Variants in TENM2 observed in about 807,000 individuals in gnomAD.
TENM2 encodes teneurin-2.
TENM2 carries 52 observed loss-of-function variants against 245.2 expected under a neutral mutation model. The observed-to-expected ratio is 0.21, with a 90% confidence interval of 0.17 to 0.27. TENM2 has a LOEUF of 0.27. TENM2 is among the 10% of genes least tolerant of loss of function. The pLI is 1.00. For missense variants in TENM2, 3,046 were observed against 3,666.8 expected, an observed-to-expected ratio of 0.83 and a Z score of 4.37; for synonymous variants, 1,363 against 1,438.9, an observed-to-expected ratio of 0.95 and a Z score of 1.19.
intron 2 of TENM2, among the ~76,000 whole-genome samples, chr5:167,871,811 G>T (rs1772850522): frequency 6.6e-6 from 1 of 152,106 alleles, no homozygotes; most frequent in Non-Finnish European, 1.5e-5. Context: ...CTGGTTACCT[G>T]CCCATGCCAC....
At position 167,453,719 on chromosome 5, in the gene TENM2, G is replaced by A. The variant is rs528602451; in HGVS notation, c.502+78246G>A. Among the ~76,000 whole-genome samples, 8 of 152,286 alleles carry A rather than the reference G, an allele frequency of 5.3e-5. No homozygotes were observed. The South Asian group carries it at 1.4e-3, about 28-fold the overall frequency. Reference sequence around the variant, plus strand: ...CAAGATCAAAAGAATGGATAATGTAGGGACTAGGCCCATGAACTGTAAATT... The same window carrying A: ...CAAGATCAAAAGAATGGATAATGTAAGGACTAGGCCCATGAACTGTAAATT... On this transcript the variant is annotated intron_variant, in intron 2 of 28. Transcript: ENST00000518659.
chr5:167,468,406 A>C (rs1412249339), intron 2 of TENM2, among the ~76,000 whole-genome samples: 1 of 152,258 alleles, frequency 6.6e-6, no homozygotes, highest in African/African-American at 2.4e-5. Context: ...TTTAATAATT[A>C]GAAATGGGAA....
chr5:167,858,991 C>T (rs933045222), intron 2 of TENM2, among the ~76,000 whole-genome samples: 2 of 148,100 alleles, frequency 1.4e-5, no homozygotes, highest in African/African-American at 5.0e-5. Context: ...ATGTGAGGAG[C>T]CCCTCTGCCT....
At chr5:167,513,943 A>G (rs1299923463) in intron 2 of TENM2, among the ~76,000 whole-genome samples, 1 of 152,128 alleles carries the variant, frequency 6.6e-6, no homozygotes, top group Admixed American at 6.5e-5. Flanking sequence ...AAGAATGATA[A>G]GGCATCTATG....
At chr5:167,248,769 C>CATATATATGTGTGTAT in the TENM2 span, among the ~76,000 whole-genome samples, 3 of 136,628 alleles carry the variant, frequency 2.2e-5, no homozygotes, top group South Asian at 5.2e-4. Context: ...ATTCAAAAGC[C>CATATATATGTGTGTAT]ATATATATGT....
chr5:168,100,694 T>A (rs1437312630), intron 9 of TENM2, among the ~76,000 whole-genome samples: 1 of 151,742 alleles, frequency 6.6e-6, no homozygotes, highest in African/African-American at 2.4e-5. Flanking sequence ...TGAGAACACA[T>A]GGACACAGGG....
At chr5:167,962,969 A>G (rs1333724915) in intron 4 of TENM2, among the ~76,000 whole-genome samples, 2 of 152,216 alleles carry the variant, frequency 1.3e-5, no homozygotes, top group Admixed American at 6.5e-5. Context: ...GCCAAGAGCT[A>G]TGTTAGGTAC....
At chr5:167,021,807 G>C in the TENM2 span, among the ~76,000 whole-genome samples, 33 of 152,282 alleles carry the variant, frequency 2.2e-4, no homozygotes, top group African/African-American at 7.5e-4. Context: ...TCCTGGTTTT[G>C]TCATGTACTA....
chr5:167,829,895 C>T (rs1549151), intron 2 of TENM2, among the ~76,000 whole-genome samples: 21,946 of 152,142 alleles, frequency 0.14, 3,124 homozygotes, highest in East Asian at 0.67. Context: ...ACCTTCAGAG[C>T]GTCAGTGAAG....
chr5:168,229,156 A>T (rs888718870), intron 25 of TENM2, among the ~76,000 whole-genome samples: 20 of 148,988 alleles, frequency 1.3e-4, no homozygotes, highest in African/African-American at 5.0e-4. Context: ...CCCCACGAGG[A>T]TAATTATTAC....
chr5:167,515,166 G>T (rs1417845398), intron 2 of TENM2, among the ~76,000 whole-genome samples: 1 of 152,076 alleles, frequency 6.6e-6, no homozygotes, highest in Non-Finnish European at 1.5e-5. Context: ...TAATCTGATA[G>T]ATAATGTCAT....
chr5:167,085,631 A>G, the TENM2 span, among the ~76,000 whole-genome samples: 1 of 152,218 alleles, frequency 6.6e-6, no homozygotes, highest in African/African-American at 2.4e-5. Context: ...AAGCATTTTT[A>G]TAAGGATACA....
In TENM2 at chr5:167,750,128, G is replaced by A. The variant is rs955791964; in HGVS notation, c.503-125858G>A. On this transcript the variant is annotated intron_variant, in intron 2 of 28. Transcript: ENST00000518659. ...TGGCCCACCTCGAGGATTCTAAAGA[G>A]GGAAAGAATGAGCCAAACGACGCTT... 2.6e-5 allele frequency among the ~76,000 whole-genome samples: 4 copies of A among 152,134 alleles called. No homozygotes were observed. The East Asian group carries it at 5.8e-4, about 22-fold the overall frequency.
At chr5:167,000,752 A>C in the TENM2 span, among the ~76,000 whole-genome samples, 1 of 152,192 alleles carries the variant, frequency 6.6e-6, no homozygotes, top group Non-Finnish European at 1.5e-5. Context: ...TGAATGGTTA[A>C]ATTTGTGATT....
chr5:167,922,109 A>C (rs1015790331), intron 3 of TENM2, among the ~76,000 whole-genome samples: 4 of 152,194 alleles, frequency 2.6e-5, no homozygotes, highest in African/African-American at 9.7e-5. Flanking sequence ...AGAAAAGGAA[A>C]ACTGGCAAAA....
chr5:167,888,762 T>C (rs1015716127), intron 3 of TENM2, among the ~76,000 whole-genome samples: 14 of 152,242 alleles, frequency 9.2e-5, no homozygotes, highest in Non-Finnish European at 2.9e-5. Context: ...TCTTTTGTCA[T>C]TTCCATCAGA....
chr5:167,109,332 G>A, the TENM2 span, among the ~76,000 whole-genome samples: 1 of 150,228 alleles, frequency 6.7e-6, no homozygotes, highest in African/African-American at 2.5e-5. Flanking sequence ...AATGTTCACC[G>A]AGAAAAAGTA....
chr5:167,514,407 A>G (rs999624), intron 2 of TENM2, among the ~76,000 whole-genome samples: 1 of 151,916 alleles, frequency 6.6e-6, no homozygotes, highest in Non-Finnish European at 1.5e-5. Flanking sequence ...GGACATGGCT[A>G]TGACAGTCAT....
chr5:167,621,081 T>C (rs1458266573), intron 2 of TENM2, among the ~76,000 whole-genome samples: 2 of 152,170 alleles, frequency 1.3e-5, no homozygotes. Context: ...TCCTTTGATT[T>C]ACTTATCCAT....
Sources: gnomAD v4.1 joint callset for allele counts (sites outside exome capture counted in the v4.1 genomes callset) on GRCh38, gnomAD v4.1.1 for gene constraint, MANE v1.5 for transcripts, NCBI Gene and HGNC (gene_info 2026-07-23, HGNC 2026-07-21) for gene names.